The following STX2 variants were observed in gnomAD, a reference collection of about 807,000 sequenced individuals.
STX2 encodes syntaxin 2.
In STX2, 27 loss-of-function variants were observed where a neutral mutation model predicts 40.6. That is an observed-to-expected ratio of 0.66 (90% CI 0.49 to 0.92). The LOEUF is 0.92. STX2 is among the 40% of genes least tolerant of loss of function. STX2 has a pLI of 0.00. For synonymous variants in STX2, 123 were observed against 119.1 expected (o/e 1.03, Z -0.22); for missense variants, 328 against 366.1 (o/e 0.90, Z 0.85).
chr12:130,823,713 G>A (rs927494951), intron 2 of STX2, among the ~76,000 whole-genome samples: 1 of 152,230 alleles, frequency 6.6e-6, no homozygotes. Context: ...GGTGATAAAC[G>A]TGTTGTTGAA....
Position 130,818,185 on chromosome 12 carries a change from A to AAAT in STX2, c.205+3503_205+3504insATT. Among the ~76,000 whole-genome samples the AAAT allele has an allele frequency of 4.3e-5, 3 of 70,542 alleles. No individual in the cohort carries two copies. The South Asian group carries it at 1.1e-3, about 26-fold the overall frequency. The allele number at this position is 70,542 out of a possible 152,430, so 46.3% of individuals were successfully genotyped here. ...GCTGTTTCTACAAAAAAAAAAAAAAAATATATATATATATATATATATATA... is the reference window on the plus strand; with the variant it reads ...GCTGTTTCTACAAAAAAAAAAAAAAAAATATATATATATATATATATATATATA... On this transcript the variant is annotated intron_variant, in intron 3 of 10. Transcript: ENST00000392373.
intron 3 of STX2, among the ~76,000 whole-genome samples, chr12:130,820,115 C>T (rs1301125215): frequency 1.3e-5 from 2 of 152,186 alleles, no homozygotes. Context: ...ACCAAGAATA[C>T]ATGTGCCCCC....
At chr12:130,824,538 G>A (rs1416959912) in intron 2 of STX2, among the ~76,000 whole-genome samples, 1 of 152,176 alleles carries the variant, frequency 6.6e-6, no homozygotes, top group African/African-American at 2.4e-5. Context: ...GGAGACCGCA[G>A]GGCTATACAC....
chr12:130,795,956 GC>G, intron 10 of STX2, 38 bp downstream of exon 10: 5 of 1,574,386 alleles, frequency 3.2e-6, no homozygotes, highest in Non-Finnish European at 4.3e-6. Context: ...TTGGTTAATT[GC>G]AAAAGTTAAT....
chr12:130,815,873 TTA>T (rs1951839466), intron 3 of STX2, among the ~76,000 whole-genome samples: 3 of 152,202 alleles, frequency 2.0e-5, no homozygotes. Flanking sequence ...AGTTTGGATA[TTA>T]TATGTTTTTT....
intron 6 of STX2, among the ~76,000 whole-genome samples, chr12:130,802,488 G>A (rs563345335): frequency 2.6e-5 from 4 of 151,940 alleles, no homozygotes; most frequent in South Asian, 4.2e-4. Context: ...GTGAGCCACC[G>A]TACCCAGCCC....
intron 3 of STX2, among the ~76,000 whole-genome samples, chr12:130,817,247 T>C (rs1159720100): frequency 6.6e-6 from 1 of 152,178 alleles, no homozygotes; most frequent in Non-Finnish European, 1.5e-5. Flanking sequence ...ATCATAAATT[T>C]TGTCAGAGAA....
At position 130,829,257 on chromosome 12, in the gene STX2, C is replaced by T. The variant is rs77941888; in HGVS notation, c.31-1990G>A. Among the ~76,000 whole-genome samples, 671 of 152,322 alleles carry T rather than the reference C, an allele frequency of 4.4e-3. 10 individuals are homozygous for T. The highest frequency in any genetic ancestry group is 0.016 in the African/African-American group (648 of 41,572). Reference sequence around the variant, plus strand: ...CAACTGTACTATTACCATGTTGACCCTCTTAAAAAGAGTAAGAGCCGTCCT... The same window carrying T: ...CAACTGTACTATTACCATGTTGACCTTCTTAAAAAGAGTAAGAGCCGTCCT... On this transcript the variant is annotated intron_variant, in intron 1 of 10. Coordinates refer to ENST00000392373, the MANE Select transcript of STX2 (RefSeq NM_194356.4).
At chr12:130,807,126 G>A (rs776823246) in intron 5 of STX2, 36 bp from the exon 6 acceptor site, 11 of 1,591,382 alleles carry the variant, frequency 6.9e-6, no homozygotes, top group African/African-American at 1.3e-5. Context: ...GTATCTGAGG[G>A]CCATGCCTTC....
intron 8 of STX2, among the ~76,000 whole-genome samples, chr12:130,799,599 A>G (rs1951147645): frequency 6.6e-6 from 1 of 152,268 alleles, no homozygotes; most frequent in Non-Finnish European, 1.5e-5. Flanking sequence ...AAGGAGTAAG[A>G]TCGTCCCATC....
At chr12:130,818,400 G>C (rs1951972492) in intron 3 of STX2, among the ~76,000 whole-genome samples, 2 of 150,872 alleles carry the variant, frequency 1.3e-5, no homozygotes, top group African/African-American at 4.9e-5. Context: ...GAGGGCGGGG[G>C]AGGAAGAATC....
chr12:130,833,562 C>T (rs961256504), intron 1 of STX2, among the ~76,000 whole-genome samples: 8 of 152,006 alleles, frequency 5.3e-5, no homozygotes, highest in African/African-American at 1.9e-4. Flanking sequence ...AGGCACCTAC[C>T]ACCACCCCCA....
rs74802075 is a variant in STX2, at chr12:130,833,854, T to C, written c.30+5216A>G. Among the ~76,000 whole-genome samples the C allele has an allele frequency of 1.8e-3, 275 of 152,332 alleles. 7 individuals carry two copies. In the East Asian group the frequency reaches 0.043, roughly 24 times the overall value. ...GCATTTTCAAATGGAAACAGACTGATTCAATAAATACCTGGCAGGTGCTCT... is the reference window on the plus strand; with the variant it reads ...GCATTTTCAAATGGAAACAGACTGACTCAATAAATACCTGGCAGGTGCTCT... On this transcript the variant is annotated intron_variant, in intron 1 of 10. Coordinates refer to ENST00000392373, the MANE Select transcript of STX2 (RefSeq NM_194356.4).
intron 6 of STX2, among the ~76,000 whole-genome samples, chr12:130,803,936 C>T (rs769471274): frequency 2.2e-4 from 34 of 152,282 alleles, no homozygotes; most frequent in South Asian, 6.2e-4. Context: ...TTAACTCCTC[C>T]CCCTTACTGT....
At chr12:130,818,183 A>AAAAAAAAAAAT (rs1951942729) in intron 3 of STX2, among the ~76,000 whole-genome samples, 1 of 20,334 alleles carries the variant, frequency 4.9e-5, no homozygotes, top group Non-Finnish European at 9.4e-5. Flanking sequence ...AAAAAAAAAA[A>AAAAAAAAAAAT]AAATATATAT....
At chr12:130,792,355 G>A (rs574002295) in intron 10 of STX2, among the ~76,000 whole-genome samples, 12 of 152,296 alleles carry the variant, frequency 7.9e-5, no homozygotes, top group East Asian at 1.9e-4. Flanking sequence ...CACCAGGCCC[G>A]GCCGACACTT....
At chr12:130,796,231 C>A in intron 9 of STX2, 111 bp from the exon 10 acceptor site, 6 of 1,374,610 alleles carry the variant, frequency 4.4e-6, no homozygotes, top group Non-Finnish European at 5.9e-6. Flanking sequence ...TGGTGGCTCA[C>A]GCCTGTAATC....
At chr12:130,809,422 A>G (rs1951562425) in intron 4 of STX2, among the ~76,000 whole-genome samples, 1 of 152,242 alleles carries the variant, frequency 6.6e-6, no homozygotes, top group Non-Finnish European at 1.5e-5. Flanking sequence ...TGACATAAAT[A>G]CTTCACAAAA....
intron 1 of STX2, among the ~76,000 whole-genome samples, chr12:130,832,014 G>A (rs1192122797): frequency 4.0e-5 from 6 of 151,864 alleles, no homozygotes; most frequent in Non-Finnish European, 8.8e-5. Flanking sequence ...GGGACTACAG[G>A]CACACATATT....
Sources: allele counts gnomAD v4.1 joint callset (sites outside exome capture counted in the v4.1 genomes callset), GRCh38; gene constraint gnomAD v4.1.1; transcripts MANE v1.5; gene names NCBI Gene and HGNC (gene_info 2026-07-23, HGNC 2026-07-21).